The following CEP112 variants were observed in gnomAD, a reference collection of about 807,000 sequenced individuals.
CEP112 encodes the protein centrosomal protein 112.
CEP112 carries 127 observed loss-of-function variants against 153.0 expected under a neutral mutation model. That is an observed-to-expected ratio of 0.83 (90% CI 0.72 to 0.96). The LOEUF is 0.96. Ranked by LOEUF, CEP112 falls within the 40% of genes least tolerant of loss-of-function variation. The probability of loss-of-function intolerance (pLI) is 0.00; values close to 1 mark genes in which losing one functional copy is unlikely to be tolerated. For synonymous variants in CEP112, 358 were observed against 374.4 expected (o/e 0.96, Z 0.51); for missense variants, 1,089 against 1,101.2 (o/e 0.99, Z 0.16).
intron 21 of CEP112, among the ~76,000 whole-genome samples, chr17:65,774,529 CT>C (rs779720535): frequency 6.6e-6 from 1 of 152,220 alleles, no homozygotes; most frequent in Non-Finnish European, 1.5e-5. Flanking sequence ...CCACTGCCCC[CT>C]GACCACACAC....
chr17:66,020,777 A>G (rs886808244), intron 16 of CEP112, among the ~76,000 whole-genome samples: 17 of 152,248 alleles, frequency 1.1e-4, no homozygotes, highest in African/African-American at 4.1e-4. Context: ...ATAGCAAAAA[A>G]GAATTTAGAA....
intron 4 of CEP112, among the ~76,000 whole-genome samples, chr17:66,160,143 A>T (rs1434921720): frequency 6.6e-6 from 1 of 152,190 alleles, no homozygotes; most frequent in Non-Finnish European, 1.5e-5. Flanking sequence ...AAGGAATCTG[A>T]GGGACCTCTT....
chr17:65,635,902 T>C lies in CEP112; in HGVS notation c.*69A>G. On this transcript the variant is annotated 3_prime_UTR_variant, in exon 27 of 27. Transcript: ENST00000535342. ...GATCTCACAGTTTACAATATCCAAA[T>C]CTTCAAACCTGCTGGAAGAAGTCCA... 1 of 1,539,074 alleles carries C rather than the reference T, an allele frequency of 6.5e-7. No homozygotes were observed. The highest frequency in any genetic ancestry group is 8.9e-7 in the Non-Finnish European group (1 of 1,128,520).
At chr17:66,015,713 T>C (rs917081080) in intron 16 of CEP112, among the ~76,000 whole-genome samples, 12 of 152,360 alleles carry the variant, frequency 7.9e-5, no homozygotes, top group African/African-American at 2.9e-4. Context: ...ATTCTCTTTG[T>C]ACTGTAATTC....
At chr17:65,846,600 G>A (rs1435196677) in intron 21 of CEP112, among the ~76,000 whole-genome samples, 2 of 152,086 alleles carry the variant, frequency 1.3e-5, no homozygotes, top group African/African-American at 2.4e-5. Flanking sequence ...ACGGAGTCTC[G>A]CTCTGTTGCC....
intron 16 of CEP112, among the ~76,000 whole-genome samples, chr17:66,022,791 T>G (rs2065054797): frequency 1.3e-5 from 2 of 151,278 alleles, no homozygotes; most frequent in South Asian, 4.2e-4. Context: ...TAAAAGATAT[T>G]CTGAAAACCA....
chr17:65,731,649 C>A (rs62063591), intron 23 of CEP112, among the ~76,000 whole-genome samples: 20,651 of 152,228 alleles, frequency 0.14, 1,656 homozygotes, highest in South Asian at 0.18. Context: ...AGTAGAATTT[C>A]TTTGAAAATG....
At chr17:66,153,468 C>CAAAAAAAAAA (rs11303537) in intron 4 of CEP112, among the ~76,000 whole-genome samples, 2 of 123,688 alleles carry the variant, frequency 1.6e-5, no homozygotes, top group Non-Finnish European at 1.7e-5. Flanking sequence ...TAGAAAAGGC[C>CAAAAAAAAAA]AAAAAAAAAA....
At chr17:66,147,920 T>C (rs1347998662) in intron 4 of CEP112, among the ~76,000 whole-genome samples, 1 of 152,224 alleles carries the variant, frequency 6.6e-6, no homozygotes, top group Non-Finnish European at 1.5e-5. Context: ...TTGCAGCAAG[T>C]TTCCAAATCA....
intron 20 of CEP112, among the ~76,000 whole-genome samples, chr17:65,881,397 A>G (rs1220466171): frequency 2.2e-5 from 3 of 133,560 alleles, no homozygotes; most frequent in African/African-American, 7.8e-5. Context: ...CAAAGCAGAA[A>G]ACAGGTGTGT....
intron 23 of CEP112, among the ~76,000 whole-genome samples, chr17:65,741,570 A>C (rs2051141138): frequency 6.6e-6 from 1 of 151,596 alleles, no homozygotes; most frequent in African/African-American, 2.4e-5. Flanking sequence ...GAATTAGTTT[A>C]AAATGAGCAA....
Position 65,785,037 on chromosome 17 carries a change from G to A in CEP112, c.2395-34313C>T, listed in dbSNP as rs557709774. Among the ~76,000 whole-genome samples the A allele has an allele frequency of 3.6e-4, 55 of 152,240 alleles. 1 individual carries two copies. In the South Asian group the frequency reaches 0.011, roughly 32 times the overall value. On this transcript the variant is annotated intron_variant, in intron 21 of 26. Coordinates refer to ENST00000535342, the MANE Select transcript of CEP112 (RefSeq NM_001199165.4). ...ACCACTAATCTATTTTCTGTCTCTA[G>A]GGATTTTTCCACTCTGGGCATTTCA...
intron 19 of CEP112, among the ~76,000 whole-genome samples, chr17:65,905,215 G>T (rs965639323): frequency 6.6e-6 from 1 of 151,566 alleles, no homozygotes; most frequent in African/African-American, 2.4e-5. Context: ...CTGAGAAAGG[G>T]TTAATATCCA....
At chr17:66,165,732 C>T (rs2071927048) in intron 4 of CEP112, among the ~76,000 whole-genome samples, 1 of 152,144 alleles carries the variant, frequency 6.6e-6, no homozygotes, top group African/African-American at 2.4e-5. Flanking sequence ...ACTTGATCAC[C>T]ATCTGCTGGC....
intron 1 of CEP112, among the ~76,000 whole-genome samples, chr17:66,190,931 C>A (rs2073140805): frequency 6.6e-6 from 1 of 152,170 alleles, no homozygotes; most frequent in South Asian, 2.1e-4. Context: ...TCAATCAAAT[C>A]ATATTTTAAA....
intron 3 of CEP112, among the ~76,000 whole-genome samples, chr17:66,176,317 C>T (rs117299270): frequency 0.034 from 5,188 of 152,236 alleles, 132 homozygotes; most frequent in Middle Eastern, 0.061. Flanking sequence ...AATTTATCCA[C>T]CAAGCATAAT....
intron 23 of CEP112, among the ~76,000 whole-genome samples, chr17:65,736,012 GAA>G (rs752185408): frequency 6.6e-6 from 1 of 152,102 alleles, no homozygotes; most frequent in Non-Finnish European, 1.5e-5. Context: ...TTGCGTTTTA[GAA>G]AAGTTACCTT....
chr17:65,679,541 T>C (rs1277396948), intron 24 of CEP112, among the ~76,000 whole-genome samples: 1 of 152,198 alleles, frequency 6.6e-6, no homozygotes, highest in African/African-American at 2.4e-5. Context: ...CAGCTAAGAC[T>C]GTGAAGTTTT....
chr17:66,083,038 C>T (rs1167240092), intron 8 of CEP112, among the ~76,000 whole-genome samples: 1 of 152,074 alleles, frequency 6.6e-6, no homozygotes, highest in Non-Finnish European at 1.5e-5. Flanking sequence ...AAAACTTCAA[C>T]AAAATTAAAT....
Sources: allele counts gnomAD v4.1 joint callset (sites outside exome capture counted in the v4.1 genomes callset), GRCh38; gene constraint gnomAD v4.1.1; transcripts MANE v1.5; gene names NCBI Gene and HGNC (gene_info 2026-07-23, HGNC 2026-07-21).